Variants in NALF1 observed in about 807,000 individuals in gnomAD.
The protein encoded by NALF1 is family with sequence similarity 155 member A.
A neutral mutation model predicts 48.4 loss-of-function variants in NALF1; 3 were observed. The ratio of observed to expected loss-of-function variants is 0.06; its 90% CI spans 0.03 to 0.16. NALF1 has a LOEUF of 0.16. Ranked by LOEUF, NALF1 falls within the 10% of genes least tolerant of loss-of-function variation. The probability of loss-of-function intolerance (pLI) is 1.00; values close to 1 mark genes in which losing one functional copy is unlikely to be tolerated. For missense variants in NALF1, 526 were observed against 571.5 expected, an observed-to-expected ratio of 0.92 and a Z score of 0.81; for synonymous variants, 262 against 245.7, an observed-to-expected ratio of 1.07 and a Z score of -0.62.
chr13:107,655,096 G>T (rs1431108992), intron 1 of NALF1, among the ~76,000 whole-genome samples: 3 of 152,096 alleles, frequency 2.0e-5, no homozygotes, highest in South Asian at 2.1e-4. Context: ...AACAAGACAA[G>T]GATGCCTACT....
At chr13:107,223,447 C>T (rs1373416615) in intron 1 of NALF1, among the ~76,000 whole-genome samples, 2 of 152,082 alleles carry the variant, frequency 1.3e-5, no homozygotes, top group Non-Finnish European at 2.9e-5. Flanking sequence ...TCAGTAAATA[C>T]TGAGATTCAG....
chr13:107,376,830 G>T (rs963289961), intron 1 of NALF1, among the ~76,000 whole-genome samples: 5 of 152,302 alleles, frequency 3.3e-5, no homozygotes, highest in Admixed American at 3.3e-4. Context: ...AAAACGGAGA[G>T]AATTGCACAG....
At chr13:107,402,029 T>C (rs1342451671) in intron 1 of NALF1, among the ~76,000 whole-genome samples, 2 of 152,176 alleles carry the variant, frequency 1.3e-5, no homozygotes, top group Non-Finnish European at 2.9e-5. Context: ...CTGGTATTCA[T>C]GCCTAAGAGT....
intron 1 of NALF1, among the ~76,000 whole-genome samples, chr13:107,296,070 C>T (rs1881719229): frequency 6.6e-6 from 1 of 152,210 alleles, no homozygotes; most frequent in Admixed American, 6.5e-5. Flanking sequence ...TCATTGCCAA[C>T]TTGGCACTAT....
chr13:107,837,815 G>A (rs1879940860), intron 1 of NALF1, among the ~76,000 whole-genome samples: 3 of 152,026 alleles, frequency 2.0e-5, no homozygotes. Context: ...AGTTCTTTCT[G>A]CAAAAAAGCC....
At chr13:107,443,992 T>A (rs951485654) in intron 1 of NALF1, among the ~76,000 whole-genome samples, 1 of 152,140 alleles carries the variant, frequency 6.6e-6, no homozygotes, top group African/African-American at 2.4e-5. Flanking sequence ...TAGTTTTGGT[T>A]CTCCTGTAAT....
chr13:107,508,234 T>C (rs1875764516), intron 1 of NALF1, among the ~76,000 whole-genome samples: 2 of 152,202 alleles, frequency 1.3e-5, no homozygotes, highest in South Asian at 2.1e-4. Flanking sequence ...TTATCTTGTA[T>C]AAGAACAGTA....
chr13:107,211,176 T>G (rs932781813), intron 1 of NALF1, among the ~76,000 whole-genome samples: 2 of 152,108 alleles, frequency 1.3e-5, no homozygotes, highest in African/African-American at 2.4e-5. Flanking sequence ...CGTCTATGCC[T>G]CCATAGGACG....
chr13:107,721,824 C>T (rs1029307592), intron 1 of NALF1, among the ~76,000 whole-genome samples: 2 of 152,148 alleles, frequency 1.3e-5, no homozygotes, highest in African/African-American at 2.4e-5. Flanking sequence ...GGAACTGCAG[C>T]GCGGTGAGGA....
In NALF1 at chr13:107,197,323, A is replaced by G. The variant is rs897197771; in HGVS notation, c.1087+13261T>C. 6.6e-5 allele frequency among the ~76,000 whole-genome samples: 10 copies of G among 152,188 alleles called. No individual in the cohort carries two copies. The East Asian group carries it at 1.9e-3, about 29-fold the overall frequency. On this transcript the variant is annotated intron_variant, in intron 2 of 2. Coordinates refer to ENST00000375915, the MANE Select transcript of NALF1 (RefSeq NM_001080396.3). ...CTTATAACATCATATTGTATATCTTAATGTACCCTAAATACGCAAAATACA... is the reference window on the plus strand; with the variant it reads ...CTTATAACATCATATTGTATATCTTGATGTACCCTAAATACGCAAAATACA...
At chr13:107,720,813 C>T (rs948960995) in intron 1 of NALF1, among the ~76,000 whole-genome samples, 5 of 152,156 alleles carry the variant, frequency 3.3e-5, no homozygotes, top group Non-Finnish European at 7.3e-5. Context: ...AGTGTTTACT[C>T]CTTCCTTCTG....
intron 1 of NALF1, among the ~76,000 whole-genome samples, chr13:107,634,595 T>C (rs1367202267): frequency 6.6e-6 from 1 of 152,078 alleles, no homozygotes; most frequent in Non-Finnish European, 1.5e-5. Flanking sequence ...GTGCAAAGGA[T>C]TCAGAAAACC....
intron 1 of NALF1, among the ~76,000 whole-genome samples, chr13:107,483,421 AAATGT>A (rs1222303058): frequency 2.6e-5 from 4 of 152,166 alleles, no homozygotes; most frequent in Non-Finnish European, 5.9e-5. Flanking sequence ...TGGTAAAATG[AAATGT>A]ATGTTTGGTT....
intron 1 of NALF1, among the ~76,000 whole-genome samples, chr13:107,645,232 A>C (rs886845449): frequency 1.3e-5 from 2 of 152,154 alleles, no homozygotes; most frequent in African/African-American, 4.8e-5. Context: ...AAGCAGTTAC[A>C]GTTGCTCCAC....
chr13:107,380,368 A>G lies in NALF1; in HGVS notation c.916-169613T>C, dbSNP rs1289273646. On this transcript the variant is annotated intron_variant, in intron 1 of 2. Coordinates refer to ENST00000375915, the MANE Select transcript of NALF1 (RefSeq NM_001080396.3). ...AGAAATCATAAGGCTTTATATACAA[A>G]TTGTCTTGAGAAACTCTTGTATAAG... Among the ~76,000 whole-genome samples, 4 of 152,214 alleles carry G rather than the reference A, an allele frequency of 2.6e-5. No homozygotes were observed. In the East Asian group the frequency reaches 7.7e-4, roughly 29 times the overall value.
intron 1 of NALF1, among the ~76,000 whole-genome samples, chr13:107,454,003 C>T (rs1390528227): frequency 6.6e-6 from 1 of 152,204 alleles, no homozygotes; most frequent in Non-Finnish European, 1.5e-5. Context: ...TAGTTCCTAA[C>T]AAGTTCCTTA....
chr13:107,564,686 C>G (rs1877743890), intron 1 of NALF1, among the ~76,000 whole-genome samples: 1 of 152,162 alleles, frequency 6.6e-6, no homozygotes, highest in African/African-American at 2.4e-5. Context: ...CACCTTCCTC[C>G]CTCTGTCCAA....
rs368821363 is a variant in NALF1 at position 107,332,490 on chromosome 13, G to A, written c.916-121735C>T. On this transcript the variant is annotated intron_variant, in intron 1 of 2. Transcript: ENST00000375915. ...TTTCCAGTACTGGAGGCGGCCCTGGGTCAGTGGAATACAGACCCAGTCTCT... is the reference window on the plus strand; with the variant it reads ...TTTCCAGTACTGGAGGCGGCCCTGGATCAGTGGAATACAGACCCAGTCTCT... Among the ~76,000 whole-genome samples the A allele has an allele frequency of 8.5e-5, 13 of 152,316 alleles. No individual in the cohort carries two copies. In the East Asian group the frequency reaches 1.9e-3, roughly 23 times the overall value.
chr13:107,847,461 TAACA>T (rs534032724), intron 1 of NALF1, among the ~76,000 whole-genome samples: 4 of 152,306 alleles, frequency 2.6e-5, no homozygotes, highest in African/African-American at 7.2e-5. Flanking sequence ...GAGTTGCTTC[TAACA>T]AACAGAATAC....
Sources: allele counts gnomAD v4.1 joint callset (sites outside exome capture counted in the v4.1 genomes callset), GRCh38; gene constraint gnomAD v4.1.1; transcripts MANE v1.5; gene names NCBI Gene and HGNC (gene_info 2026-07-23, HGNC 2026-07-21).